LDHA: variants seen among roughly 807,000 people sequenced by gnomAD.
LDHA encodes the protein lactate dehydrogenase A, also known as L-lactate dehydrogenase A chain.
Under a neutral mutation model 36.3 loss-of-function variants are expected in LDHA, and 10 were observed. The observed-to-expected ratio is 0.28, with a 90% CI of 0.17 to 0.47. LDHA has a LOEUF of 0.47. Among genes scored for constraint, LDHA ranks in the 20% least tolerant of loss-of-function variants. LDHA has a pLI of 0.99. For synonymous variants in LDHA, 110 were observed against 136.7 expected, an observed-to-expected ratio of 0.80 and a Z score of 1.36; for missense variants, 267 against 405.8, an observed-to-expected ratio of 0.66 and a Z score of 2.94.
chr11:18,403,584 T>C (rs1866574040), intron 5 of LDHA, 110 bp from the exon 6 acceptor site: 2 of 800,040 alleles, frequency 2.5e-6, no homozygotes, highest in African/African-American at 1.7e-5. Flanking sequence ...CTTGACCATC[T>C]ACCAAAATTG....
intron 7 of LDHA, among the ~76,000 whole-genome samples, chr11:18,405,989 G>A (rs1265577107): frequency 6.6e-6 from 1 of 151,988 alleles, no homozygotes. Flanking sequence ...ATTTTTTTGA[G>A]ACAGTCTCCC....
intron 3 of LDHA, chr11:18,399,755 C>T (rs943627643): frequency 9.6e-5 from 51 of 532,142 alleles, no homozygotes; most frequent in East Asian, 1.4e-4. Flanking sequence ...CTACCATGCC[C>T]GGCTAATTTT....
In LDHA at chr11:18,407,533, C is replaced by T. The variant is rs1055876153; in HGVS notation, c.*252C>T. On this transcript the variant is annotated 3_prime_UTR_variant, in exon 8 of 8. Transcript: ENST00000422447. ...TGTGAAATAGTTCTGCCACCTCTGA[C>T]GCACCACTGCCAATGCTGTACGTAC... 11 of 755,904 alleles carry T rather than the reference C, an allele frequency of 1.5e-5. No individual in the cohort carries two copies. The highest frequency in any genetic ancestry group is 8.6e-5 in the African/African-American group (5 of 58,116). The allele number at this position is 755,904 out of a possible 1,614,324, so 46.8% of individuals were successfully genotyped here.
At position 18,402,857 on chromosome 11, in the gene LDHA, G is replaced by A. The variant is rs200268273; in HGVS notation, c.436G>A (p.Val146Met). 14 of 1,611,978 alleles carry A rather than the reference G, an allele frequency of 8.7e-6. No individual in the cohort carries two copies. The highest frequency in any genetic ancestry group is 3.3e-5 in the Admixed American group (2 of 59,942). Reference protein sequence around the residue: ...VSNPVDILTYVAWKISGFPKN... With the variant: ...VSNPVDILTYMAWKISGFPKN... ...TTTCATAGTGGATATCTTGACCTAC[G>A]TGGCTTGGAAGATAAGTGGTTTTCC... Residue 146 changes from valine (V) to methionine (M), a missense_variant, in exon 5 of 8, where the codon GTG becomes ATG. Val to Met is a conservative substitution (Grantham distance 21). Coordinates refer to ENST00000422447, the MANE Select transcript of LDHA (RefSeq NM_005566.4).
At chr11:18,400,129 T>C (rs1188701502) in intron 3 of LDHA, 1 of 178,058 alleles carries the variant, frequency 5.6e-6, no homozygotes, top group Non-Finnish European at 1.2e-5. Context: ...CCACATTGTG[T>C]TACTTACTTG....
intron 2 of LDHA, chr11:18,397,234 A>G (rs1444828046): frequency 3.4e-6 from 1 of 293,384 alleles, no homozygotes; most frequent in African/African-American, 2.2e-5. Context: ...ATTGACTACC[A>G]ATGAAAAGGA....
chr11:18,400,478 C>G, intron 3 of LDHA: 1 of 291,118 alleles, frequency 3.4e-6, no homozygotes, highest in East Asian at 8.8e-5. Context: ...CACACACACA[C>G]ACACGAAATT....
Position 18,399,462 on chromosome 11 carries a change from T to G in LDHA, c.158T>G (p.Val53Gly), listed in dbSNP as rs780360946. 9.3e-6 allele frequency: 15 copies of G among 1,613,350 alleles called. No individual in the cohort carries two copies. The highest frequency in any genetic ancestry group is 8.5e-7 in the Non-Finnish European group (1 of 1,179,538). Residue 53 changes from valine to glycine, a missense_variant, in exon 3 of 8, where the codon GTC becomes GGC. Val to Gly is a moderately radical substitution (Grantham distance 109). Transcript: ENST00000422447. Reference sequence around the variant, plus strand: ...GCAGATGAACTTGCTCTTGTTGATGTCATCGAAGACAAATTGAAGGGAGAG... The same window carrying G: ...GCAGATGAACTTGCTCTTGTTGATGGCATCGAAGACAAATTGAAGGGAGAG... The part of the protein sequence containing the change: ...DLADELALVD[V>G]IEDKLKGEMM...
intron 2 of LDHA, 171 bp from the exon 3 acceptor site, chr11:18,399,257 GTGT>G: frequency 3.3e-6 from 2 of 612,358 alleles, no homozygotes; most frequent in South Asian, 1.8e-5. Context: ...TCTATGTAGG[GTGT>G]AATCTGTAAG....
rs1469985284 is a variant in LDHA at position 18,408,136 on chromosome 11, A to G, written c.*855A>G. 1 of 454,134 alleles carries G rather than the reference A, an allele frequency of 2.2e-6. No homozygotes were observed. The highest frequency in any genetic ancestry group is 1.6e-5 in the South Asian group (1 of 64,482). The allele number at this position is 454,134 out of a possible 1,614,324, so 28.1% of individuals were successfully genotyped here. A position where few individuals can be genotyped will look rare whatever the true frequency, so the allele number is the denominator to read the frequency against. ...TTGCCAACTGAATATAGGCAATGAT[A>G]GTGTGTCACTATAGGGAACACAGAT... On this transcript the variant is annotated 3_prime_UTR_variant, in exon 8 of 8. Transcript: ENST00000422447.
intron 2 of LDHA, 65 bp downstream of exon 2, chr11:18,397,033 C>A (rs2134017972): frequency 7.3e-7 from 1 of 1,371,650 alleles, no homozygotes; most frequent in South Asian, 1.2e-5. Flanking sequence ...CCACTCCTAC[C>A]CCTAGAACTG....
At chr11:18,401,432 A>G (rs1866490705) in intron 4 of LDHA, among the ~76,000 whole-genome samples, 1 of 146,474 alleles carries the variant, frequency 6.8e-6, no homozygotes, top group Non-Finnish European at 1.5e-5. Flanking sequence ...GGCGTGAGCC[A>G]CCGTGCCCAG....
rs1866224774 is a variant in LDHA at position 18,394,636 on chromosome 11, G to GGTAC, written c.-25+2_-25+5dup. On this transcript the variant is annotated splice_region_variant and 5_prime_UTR_variant. Transcript: ENST00000422447. ...CGACGACCGCCCGACGTGCATTCCC[G>GGTAC]GTACGGTAGGGCCCTGCGCGCACGG... is the stretch of plus-strand genomic sequence containing the variant. 2.2e-6 allele frequency: 1 copy of GGTAC among 453,958 alleles called. No homozygotes were observed. Among genetic ancestry groups the GGTAC allele is most frequent in the African/African-American group, 2.0e-5 (1 of 50,006 alleles). 28.1% of individuals were successfully genotyped at this position (453,958 alleles called of 1,614,324 possible).
At position 18,400,892 on chromosome 11, in the gene LDHA, G is replaced by A. The variant is rs370193389; in HGVS notation, c.300G>A (p.Gln100=). 17 of 1,613,386 alleles carry A rather than the reference G, an allele frequency of 1.1e-5. No homozygotes were observed. In the African/African-American group the frequency reaches 2.0e-4, roughly 19 times the overall value. ...TCATTATCACGGCTGGGGCACGTCA[G>A]CAAGAGGGAGAAAGCCGTCTTAATT... is the stretch of plus-strand genomic sequence containing the variant. The part of the protein sequence containing the change: ...KLVIITAGAR[Q]QEGESRLNLV... Residue 100 remains glutamine, a synonymous_variant, in exon 4 of 8, where the codon CAG becomes CAA. Coordinates refer to ENST00000422447, the MANE Select transcript of LDHA (RefSeq NM_005566.4).
intron 6 of LDHA, among the ~76,000 whole-genome samples, chr11:18,404,790 A>G (rs775083896): frequency 2.6e-5 from 3 of 117,340 alleles, no homozygotes; most frequent in Non-Finnish European, 5.4e-5. Context: ...CCTGGGCGAC[A>G]GAGCGAGACT....
In LDHA at chr11:18,407,553, A is replaced by G. The variant is rs527511756; in HGVS notation, c.*272A>G. 3 of 721,896 alleles carry G rather than the reference A, an allele frequency of 4.2e-6. No homozygotes were observed. The highest frequency in any genetic ancestry group is 1.5e-5 in the South Asian group (1 of 67,168). The allele number at this position is 721,896 out of a possible 1,614,324, so 44.7% of individuals were successfully genotyped here. A position where few individuals can be genotyped will look rare whatever the true frequency, so the allele number is the denominator to read the frequency against. On this transcript the variant is annotated 3_prime_UTR_variant, in exon 8 of 8. Transcript: ENST00000422447. ...TCTGACGCACCACTGCCAATGCTGT[A>G]CGTACTGCATTTGCCCCTTGAGCCA...
chr11:18,404,879 G>C (rs955299343), intron 6 of LDHA, among the ~76,000 whole-genome samples: 1 of 151,156 alleles, frequency 6.6e-6, no homozygotes, highest in Non-Finnish European at 1.5e-5. Context: ...CCTCTTGTTT[G>C]TATTTGTTTA....
intron 1 of LDHA, chr11:18,396,290 G>T (rs775927165): frequency 1.9e-5 from 7 of 372,070 alleles, no homozygotes; most frequent in Non-Finnish European, 2.9e-5. Context: ...AAAGCCGGGC[G>T]TTCGGAGGAC....
At chr11:18,405,186 A>G (rs904542013) in intron 6 of LDHA, among the ~76,000 whole-genome samples, 5 of 152,114 alleles carry the variant, frequency 3.3e-5, no homozygotes, top group African/African-American at 9.7e-5. Flanking sequence ...GTAATATTCC[A>G]TTGTATCAGT....
Sources: allele counts gnomAD v4.1 joint callset (sites outside exome capture counted in the v4.1 genomes callset), GRCh38; gene constraint gnomAD v4.1.1; transcripts MANE v1.5; gene names NCBI Gene and HGNC (gene_info 2026-07-23, HGNC 2026-07-21).